Variants in CARMIL1 observed in about 807,000 individuals in gnomAD.
CARMIL1 encodes F-actin-uncapping protein LRRC16A.
CARMIL1 carries 90 observed loss-of-function variants against 177.1 expected under a neutral mutation model. That is an observed-to-expected ratio of 0.51 (90% CI 0.43 to 0.61). The LOEUF (loss-of-function observed/expected upper bound fraction) is 0.61. Ranked by LOEUF, CARMIL1 falls within the 20% of genes least tolerant of loss-of-function variation. The probability of loss-of-function intolerance (pLI) is 0.00; values close to 1 mark genes in which losing one functional copy is unlikely to be tolerated. For synonymous variants in CARMIL1, 577 were observed against 606.2 expected (o/e 0.95, Z 0.71); for missense variants, 1,380 against 1,667.0 (o/e 0.83, Z 3.00).
intron 17 of CARMIL1, among the ~76,000 whole-genome samples, chr6:25,502,341 GAGGTC>G (rs1804471292): frequency 6.6e-6 from 1 of 151,566 alleles, no homozygotes; most frequent in Admixed American, 6.6e-5. Context: ...GGTGGATTAC[GAGGTC>G]AGGAGTTCAA....
At chr6:25,584,210 TA>T (rs1292416142) in intron 31 of CARMIL1, among the ~76,000 whole-genome samples, 15 of 150,890 alleles carry the variant, frequency 9.9e-5, no homozygotes, top group Non-Finnish European at 1.3e-4. Context: ...ATTATTTAAA[TA>T]TTTTTTTTTG....
chr6:25,409,366 C>A (rs1461964709), intron 2 of CARMIL1, among the ~76,000 whole-genome samples: 2 of 152,140 alleles, frequency 1.3e-5, no homozygotes, highest in Admixed American at 1.3e-4. Context: ...ATTATGGCTC[C>A]TTTTATATTA....
At chr6:25,457,616 C>T (rs564107075) in intron 8 of CARMIL1, among the ~76,000 whole-genome samples, 2 of 152,302 alleles carry the variant, frequency 1.3e-5, no homozygotes, top group African/African-American at 2.4e-5. Flanking sequence ...GAAAGGCTAT[C>T]GAATGAATAT....
rs763374688 is a variant in CARMIL1, at chr6:25,550,912, G to A, written c.2331G>A (p.Ala777=). Residue 777 remains alanine (A), a splice_region_variant and synonymous_variant, in exon 27 of 37, where the codon GCG becomes GCA. Coordinates refer to ENST00000329474, the MANE Select transcript of CARMIL1 (RefSeq NM_017640.6). ...VTRVVDEQLK[A]LLESMVDAAE... The stretch of plus-strand genomic sequence containing the variant: ...CCTTCACTTGTGCTGCATTGCAGGC[G>A]TTGCTTGAGTCCATGGTTGATGCTG... 56 of 1,612,774 alleles carry A rather than the reference G, an allele frequency of 3.5e-5. No homozygotes were observed. Among genetic ancestry groups the A allele is most frequent in the Middle Eastern group, 1.7e-4 (1 of 6,042 alleles).
In CARMIL1 at chr6:25,610,054, C is replaced by T. The variant is rs777707834; in HGVS notation, c.3852C>T (p.Asp1284=). ...CACGTGTTTGTGTCTCCTTAGATGACATTCCAGACTCTCCATCTAGCCCGA... is the reference window on the plus strand; with the variant it reads ...CACGTGTTTGTGTCTCCTTAGATGATATTCCAGACTCTCCATCTAGCCCGA... ...QKPRTASRPD[D]IPDSPSSPKV... The change falls in exon 36 of 37, where the codon GAC becomes GAT. Residue 1284 remains aspartate, a synonymous_variant. Coordinates refer to ENST00000329474, the MANE Select transcript of CARMIL1 (RefSeq NM_017640.6). The T allele has an allele frequency of 1.9e-6, 3 of 1,613,744 alleles. No homozygotes were observed. The highest frequency in any genetic ancestry group is 2.5e-6 in the Non-Finnish European group (3 of 1,179,774).
chr6:25,340,979 G>A (rs965621670), intron 2 of CARMIL1, among the ~76,000 whole-genome samples: 21 of 151,932 alleles, frequency 1.4e-4, no homozygotes, highest in Non-Finnish European at 3.1e-4. Context: ...AATGAACTTA[G>A]GTCTTAAAAG....
Position 25,606,194 on chromosome 6 carries a change from G to C in CARMIL1, c.3768G>C (p.Lys1256Asn). The C allele has an allele frequency of 6.2e-7, 1 of 1,613,982 alleles. No homozygotes were observed. Among genetic ancestry groups the C allele is most frequent in the Non-Finnish European group, 8.5e-7 (1 of 1,179,888 alleles). Residue 1256 changes from lysine to asparagine, a missense_variant, in exon 35 of 37, where the codon AAG (lysine) becomes AAC (asparagine). By Grantham distance (94) the Lys-to-Asn change is moderately conservative. Transcript: ENST00000329474. ...CATCCAGCACACCTACGAGCCCGAA[G>C]CCCCTCCTGCAGTCCCCCAAACCCA... ...RSSSSTPTSPKPLLQSPKPSL... is the reference protein window; with the variant it reads ...RSSSSTPTSPNPLLQSPKPSL...
At chr6:25,316,847 A>ACC (rs1784319220) in intron 2 of CARMIL1, among the ~76,000 whole-genome samples, 1 of 152,184 alleles carries the variant, frequency 6.6e-6, no homozygotes, top group South Asian at 2.1e-4. Flanking sequence ...CAGAGGGCCA[A>ACC]TTGTTAAATC....
At chr6:25,538,841 C>T (rs185445230) in intron 25 of CARMIL1, among the ~76,000 whole-genome samples, 24 of 152,176 alleles carry the variant, frequency 1.6e-4, no homozygotes, top group East Asian at 5.8e-4. Flanking sequence ...ACCCCCTGGA[C>T]GCCATGGAAA....
chr6:25,455,207 A>T (rs1219795361), intron 8 of CARMIL1, among the ~76,000 whole-genome samples: 1 of 152,154 alleles, frequency 6.6e-6, no homozygotes, highest in African/African-American at 2.4e-5. Flanking sequence ...GTATGTCGAG[A>T]TCTGTGAACT....
intron 2 of CARMIL1, among the ~76,000 whole-genome samples, chr6:25,411,752 A>T (rs1285649858): frequency 6.6e-6 from 1 of 152,210 alleles, no homozygotes; most frequent in Admixed American, 6.5e-5. Flanking sequence ...TTTCCTCTGA[A>T]ACTAAACATC....
intron 2 of CARMIL1, among the ~76,000 whole-genome samples, chr6:25,390,310 ATATATATATATT>A (rs199741237): frequency 2.6e-5 from 1 of 38,626 alleles, no homozygotes; most frequent in Non-Finnish European, 6.1e-5. Flanking sequence ...ATATATATAT[ATATATATATATT>A]TTTTTTTTTT....
At chr6:25,330,688 TAA>T (rs145205834) in intron 2 of CARMIL1, among the ~76,000 whole-genome samples, 50,406 of 142,384 alleles carry the variant, frequency 0.35, 9,046 homozygotes, top group South Asian at 0.43. Flanking sequence ...CCATCTCTAT[TAA>T]AAAAAAAAAA....
At chr6:25,536,219 T>G (rs928635788) in intron 24 of CARMIL1, among the ~76,000 whole-genome samples, 1 of 152,142 alleles carries the variant, frequency 6.6e-6, no homozygotes, top group Non-Finnish European at 1.5e-5. Flanking sequence ...TAATGACCCT[T>G]TTTGCTTCAG....
intron 9 of CARMIL1, among the ~76,000 whole-genome samples, chr6:25,467,843 C>T (rs1310251812): frequency 1.3e-5 from 2 of 152,124 alleles, no homozygotes; most frequent in African/African-American, 2.4e-5. Context: ...GTGGATATTA[C>T]TCTACAGGTC....
intron 25 of CARMIL1, among the ~76,000 whole-genome samples, chr6:25,539,618 T>C (rs1582294326): frequency 1.3e-5 from 1 of 76,458 alleles, no homozygotes; most frequent in Non-Finnish European, 2.2e-5. Context: ...AGAGCGAAAC[T>C]CCATCTCAAA....
In CARMIL1 at chr6:25,606,172, C is replaced by T. The variant is rs1281223363; in HGVS notation, c.3746C>T (p.Ser1249Phe). The T allele has an allele frequency of 6.2e-7, 1 of 1,613,954 alleles. No individual in the cohort carries two copies. The highest frequency in any genetic ancestry group is 1.1e-5 in the South Asian group (1 of 91,058). ...AEAGSRSRSS[S>F]STPTSPKPLL... ...GCAGGCTCCAGGTCTCGGAGCTCAT[C>T]CAGCACACCTACGAGCCCGAAGCCC... The change falls in exon 35 of 37, where the codon TCC becomes TTC. Residue 1249 changes from serine (S) to phenylalanine (F), a missense_variant. Ser to Phe is a radical substitution (Grantham distance 155, BLOSUM62 -2). Transcript: ENST00000329474.
At chr6:25,311,772 G>A (rs1036385081) in intron 2 of CARMIL1, among the ~76,000 whole-genome samples, 17 of 152,158 alleles carry the variant, frequency 1.1e-4, no homozygotes, top group Admixed American at 6.5e-4. Flanking sequence ...GGAAAAGTGG[G>A]CATACCCTTG....
intron 21 of CARMIL1, among the ~76,000 whole-genome samples, chr6:25,516,857 G>C (rs536524946): frequency 6.6e-6 from 1 of 152,282 alleles, no homozygotes; most frequent in African/African-American, 2.4e-5. Flanking sequence ...GGGAAATAAT[G>C]AAAACACAAG....
Sources: gnomAD v4.1 joint callset for allele counts (sites outside exome capture counted in the v4.1 genomes callset) on GRCh38, gnomAD v4.1.1 for gene constraint, MANE v1.5 for transcripts, NCBI Gene and HGNC (gene_info 2026-07-23, HGNC 2026-07-21) for gene names.